LYPD6B: variants seen among roughly 807,000 people sequenced by gnomAD.
LYPD6B encodes LY6/PLAUR domain containing 6B.
A neutral mutation model predicts 22.8 loss-of-function variants in LYPD6B; 17 were observed. The ratio of observed to expected loss-of-function variants is 0.75; its 90% CI spans 0.51 to 1.12. LYPD6B has a LOEUF of 1.12. Among genes scored for constraint, LYPD6B ranks in the 50% most tolerant of loss-of-function variants. LYPD6B has a pLI of 0.00. For missense variants in LYPD6B, 221 were observed against 258.3 expected (o/e 0.86, Z 0.99); for synonymous variants, 106 against 91.6 (o/e 1.16, Z -0.90).
intron 2 of LYPD6B, among the ~76,000 whole-genome samples, chr2:149,149,127 G>C (rs986382550): frequency 6.6e-6 from 1 of 152,124 alleles, no homozygotes; most frequent in Non-Finnish European, 1.5e-5. Flanking sequence ...AGTTACGCAA[G>C]AATGACCAGA....
At chr2:149,165,556 TG>T (rs1489971339) in intron 3 of LYPD6B, among the ~76,000 whole-genome samples, 3 of 152,208 alleles carry the variant, frequency 2.0e-5, no homozygotes, top group Non-Finnish European at 4.4e-5. Context: ...GCACTAATAT[TG>T]TTTTTACTAT....
At chr2:149,080,867 A>AAAAAAAC (rs1491182913) in intron 1 of LYPD6B, among the ~76,000 whole-genome samples, 1 of 108,674 alleles carries the variant, frequency 9.2e-6, no homozygotes, top group Non-Finnish European at 2.0e-5. Flanking sequence ...AAAAAAAAAA[A>AAAAAAAC]CCACACAAAA....
intron 3 of LYPD6B, among the ~76,000 whole-genome samples, chr2:149,181,904 C>A (rs1298663891): frequency 6.6e-6 from 1 of 152,134 alleles, no homozygotes; most frequent in Admixed American, 6.5e-5. Context: ...CCTCCCATGG[C>A]AAGGAAAAGG....
At chr2:149,059,089 G>A (rs1683945989) in intron 1 of LYPD6B, among the ~76,000 whole-genome samples, 1 of 152,246 alleles carries the variant, frequency 6.6e-6, no homozygotes, top group South Asian at 2.1e-4. Context: ...GTCTCTTTGA[G>A]GGAAGCCTGA....
chr2:149,176,807 T>A (rs1023957009), intron 3 of LYPD6B, among the ~76,000 whole-genome samples: 1 of 152,184 alleles, frequency 6.6e-6, no homozygotes, highest in Non-Finnish European at 1.5e-5. Flanking sequence ...GCAGTGGATT[T>A]GGTTCTAAAA....
intron 3 of LYPD6B, among the ~76,000 whole-genome samples, chr2:149,162,756 A>C (rs535879385): frequency 2.0e-5 from 3 of 152,062 alleles, no homozygotes; most frequent in Non-Finnish European, 4.4e-5. Flanking sequence ...TACTTTTTTC[A>C]CATAGTCTCT....
At chr2:149,167,158 C>A (rs945103661) in intron 3 of LYPD6B, among the ~76,000 whole-genome samples, 1 of 151,926 alleles carries the variant, frequency 6.6e-6, no homozygotes, top group African/African-American at 2.4e-5. Flanking sequence ...ACAGGCAGGT[C>A]TCTGCAGTCG....
intron 1 of LYPD6B, among the ~76,000 whole-genome samples, chr2:149,079,298 C>T (rs1672740607): frequency 6.6e-6 from 1 of 152,092 alleles, no homozygotes; most frequent in South Asian, 2.1e-4. Flanking sequence ...CTGTACTGTT[C>T]TGGCTAATAC....
chr2:149,173,869 G>A (rs1245325275), intron 3 of LYPD6B, among the ~76,000 whole-genome samples: 1 of 152,074 alleles, frequency 6.6e-6, no homozygotes, highest in African/African-American at 2.4e-5. Context: ...GTCATGTCTA[G>A]TACTCAGTTT....
At chr2:149,198,950 T>C (rs1017720123) in intron 3 of LYPD6B, among the ~76,000 whole-genome samples, 2 of 152,178 alleles carry the variant, frequency 1.3e-5, no homozygotes, top group African/African-American at 4.8e-5. Context: ...AACTTTCCCT[T>C]GGTTGCAATA....
chr2:149,100,607 A>G (rs944745532), intron 1 of LYPD6B, among the ~76,000 whole-genome samples: 2 of 152,014 alleles, frequency 1.3e-5, no homozygotes, highest in African/African-American at 4.8e-5. Context: ...TTTACCTTCA[A>G]AGAGGGTTAA....
At chr2:149,069,434 C>A (rs1684495644) in intron 1 of LYPD6B, among the ~76,000 whole-genome samples, 1 of 152,024 alleles carries the variant, frequency 6.6e-6, no homozygotes, top group African/African-American at 2.4e-5. Context: ...AAAACTGTTT[C>A]TGTGATAAAT....
intron 1 of LYPD6B, among the ~76,000 whole-genome samples, chr2:149,068,416 T>C (rs1382779576): frequency 6.6e-6 from 1 of 152,228 alleles, no homozygotes; most frequent in Non-Finnish European, 1.5e-5. Flanking sequence ...TTCTGAATTT[T>C]CAAGCTTCAT....
intron 1 of LYPD6B, among the ~76,000 whole-genome samples, chr2:149,124,123 C>T (rs552725214): frequency 2.0e-5 from 3 of 152,334 alleles, no homozygotes; most frequent in South Asian, 4.1e-4. Context: ...TTTACTCACT[C>T]ATTTTCTGAA....
intron 3 of LYPD6B, among the ~76,000 whole-genome samples, chr2:149,165,321 C>T (rs1477884912): frequency 6.6e-6 from 1 of 152,138 alleles, no homozygotes; most frequent in African/African-American, 2.4e-5. Flanking sequence ...AAATAGACTC[C>T]ACCTCTAACT....
intron 1 of LYPD6B, among the ~76,000 whole-genome samples, chr2:149,085,442 C>T (rs1016804951): frequency 5.3e-5 from 8 of 152,332 alleles, no homozygotes; most frequent in African/African-American, 1.7e-4. Flanking sequence ...GGCCCCCTGC[C>T]GAGTGGGAAG....
intron 1 of LYPD6B, among the ~76,000 whole-genome samples, chr2:149,082,933 G>T (rs1685202601): frequency 6.6e-6 from 1 of 152,160 alleles, no homozygotes; most frequent in Non-Finnish European, 1.5e-5. Flanking sequence ...TCAGGGTGTG[G>T]AACAGCTTTC....
At chr2:149,070,248 C>T (rs1255624990) in intron 1 of LYPD6B, among the ~76,000 whole-genome samples, 1 of 152,090 alleles carries the variant, frequency 6.6e-6, no homozygotes, top group Admixed American at 6.6e-5. Flanking sequence ...TTTTCTCCCC[C>T]TGCAAGACTC....
intron 1 of LYPD6B, among the ~76,000 whole-genome samples, chr2:149,045,321 A>C (rs1472060148): frequency 6.6e-6 from 1 of 151,858 alleles, no homozygotes; most frequent in Non-Finnish European, 1.5e-5. Context: ...TTTCTTGCTC[A>C]GTCTGTCTAG....
Sources: allele counts gnomAD v4.1 joint callset (sites outside exome capture counted in the v4.1 genomes callset), GRCh38; gene constraint gnomAD v4.1.1; transcripts MANE v1.5; gene names NCBI Gene and HGNC (gene_info 2026-07-23, HGNC 2026-07-21).